SLC15A4: variants seen among roughly 807,000 people sequenced by gnomAD.
The protein encoded by SLC15A4 is hPHT1.
In SLC15A4, 26 loss-of-function variants were observed where a neutral mutation model predicts 46.1. The observed-to-expected ratio is 0.56, with a 90% CI of 0.41 to 0.78. The LOEUF is 0.78. SLC15A4 is among the 30% of genes least tolerant of loss of function. The pLI is 0.00. For missense variants in SLC15A4, 751 were observed against 755.7 expected (o/e 0.99, Z 0.07); for synonymous variants, 370 against 333.4 (o/e 1.11, Z -1.20).
chr12:128,804,599 A>C (rs1034107008), intron 5 of SLC15A4, among the ~76,000 whole-genome samples: 1 of 152,134 alleles, frequency 6.6e-6, no homozygotes, highest in Non-Finnish European at 1.5e-5. Flanking sequence ...GCATGGTGGC[A>C]GGCGCCTGTA....
chr12:128,802,908 A>T (rs1257037197), intron 5 of SLC15A4, among the ~76,000 whole-genome samples: 1 of 152,194 alleles, frequency 6.6e-6, no homozygotes, highest in African/African-American at 2.4e-5. Flanking sequence ...CACTGCGGAA[A>T]CCAGGATCGG....
intron 3 of SLC15A4, 171 bp downstream of exon 3, chr12:128,809,772 G>C (rs1417501027): frequency 8.1e-6 from 5 of 619,626 alleles, no homozygotes; most frequent in African/African-American, 7.5e-5. Context: ...TTTAGACATA[G>C]TTAAAGCAGC....
chr12:128,812,688 C>A (rs1955676140), intron 2 of SLC15A4, among the ~76,000 whole-genome samples: 2 of 152,172 alleles, frequency 1.3e-5, no homozygotes, highest in Admixed American at 6.5e-5. Context: ...ATGTACCTGG[C>A]ATCCTGCTGA....
At position 128,814,904 on chromosome 12, in the gene SLC15A4, A is replaced by G; in HGVS notation, c.713T>C (p.Val238Ala). The change falls in exon 2 of 8, where the codon GTG becomes GCG. Residue 238 changes from valine (V) to alanine (A), a missense_variant. Val to Ala is a moderately conservative substitution (Grantham distance 64, BLOSUM62 0). Transcript: ENST00000266771. ...IPTVCVGLAF[V>A]VFLCGQSVFI... ...AACGCTCTGGCCACAGAGGAAGACC[A>G]CAAAAGCAAGGCCGACGCAGACAGT... 6.2e-7 allele frequency: 1 copy of G among 1,614,208 alleles called. No individual in the cohort carries two copies. Among genetic ancestry groups the G allele is most frequent in the Non-Finnish European group, 8.5e-7 (1 of 1,180,044 alleles).
intron 1 of SLC15A4, among the ~76,000 whole-genome samples, chr12:128,821,510 A>G (rs1263738603): frequency 1.3e-5 from 2 of 152,220 alleles, no homozygotes; most frequent in Admixed American, 6.5e-5. Flanking sequence ...CTATGTTCCA[A>G]TAACGCTTTA....
At chr12:128,809,586 A>C (rs1054265469) in intron 3 of SLC15A4, 113 bp from the exon 4 acceptor site, 2 of 674,794 alleles carry the variant, frequency 3.0e-6, no homozygotes, top group Non-Finnish European at 5.1e-6. Flanking sequence ...TGACTCCCAG[A>C]AATAGACAAT....
chr12:128,822,859 AT>A (rs1354487197), intron 1 of SLC15A4, among the ~76,000 whole-genome samples: 1 of 148,262 alleles, frequency 6.7e-6, no homozygotes, highest in Non-Finnish European at 1.5e-5. Context: ...TTATTTATTT[AT>A]TTTTTTGAGG....
At chr12:128,796,360 G>A (rs1188334746) in intron 7 of SLC15A4, among the ~76,000 whole-genome samples, 1 of 138,362 alleles carries the variant, frequency 7.2e-6, no homozygotes, top group Non-Finnish European at 1.5e-5. Flanking sequence ...CCCGGGAGGT[G>A]AAAGGCTGCA....
At chr12:128,797,419 G>A (rs1955459315) in intron 7 of SLC15A4, among the ~76,000 whole-genome samples, 1 of 152,150 alleles carries the variant, frequency 6.6e-6, no homozygotes, top group African/African-American at 2.4e-5. Flanking sequence ...AAGGAGAGAG[G>A]CAAGGAGGGC....
At chr12:128,798,432 C>T (rs1471898993) in intron 7 of SLC15A4, among the ~76,000 whole-genome samples, 1 of 152,210 alleles carries the variant, frequency 6.6e-6, no homozygotes, top group Non-Finnish European at 1.5e-5. Flanking sequence ...TACATTAGGA[C>T]TCCACAGGCC....
chr12:128,821,462 G>T (rs559869000), intron 1 of SLC15A4, among the ~76,000 whole-genome samples: 1 of 152,236 alleles, frequency 6.6e-6, no homozygotes, highest in African/African-American at 2.4e-5. Context: ...AGTGAAAGCA[G>T]CCCCAGTGTA....
chr12:128,808,926 C>T lies in SLC15A4; in HGVS notation c.1120G>A (p.Ala374Thr). ...LPAAWLTMFD[A>T]VLILLLIPLK... Reference sequence around the variant, plus strand: ...GGGATGAGCAGGAGGATGAGCACAGCATCAAACATGGTCAGCCAGGCTGCA... The same window carrying T: ...GGGATGAGCAGGAGGATGAGCACAGTATCAAACATGGTCAGCCAGGCTGCA... The change falls in exon 5 of 8, where the codon GCT becomes ACT. Residue 374 changes from alanine to threonine, a missense_variant. Coordinates refer to ENST00000266771, the MANE Select transcript of SLC15A4 (RefSeq NM_145648.4). The T allele has an allele frequency of 6.2e-7, 1 of 1,614,074 alleles. No homozygotes were observed.
intron 2 of SLC15A4, chr12:128,814,182 A>AAACCTGACCGCCGTATGATG (rs1955705779): frequency 8.2e-6 from 1 of 121,854 alleles, no homozygotes; most frequent in Admixed American, 9.1e-5. Context: ...CAAGAGTTAC[A>AAACCTGACCGCCGTATGATG]GACCTGACCG....
intron 1 of SLC15A4, chr12:128,815,737 C>CT (rs1173551778): frequency 6.5e-6 from 1 of 152,674 alleles, no homozygotes; most frequent in East Asian, 1.9e-4. Context: ...TCCAGACCTA[C>CT]TGAATCACGG....
chr12:128,815,326 ATATTCTGC>A, intron 1 of SLC15A4: 4 of 423,876 alleles, frequency 9.4e-6, no homozygotes, highest in Non-Finnish European at 1.7e-5. Context: ...TTTTCCAAGT[ATATTCTGC>A]TGTAGAATTT....
At chr12:128,817,758 C>A (rs1955778956) in intron 1 of SLC15A4, among the ~76,000 whole-genome samples, 1 of 152,138 alleles carries the variant, frequency 6.6e-6, no homozygotes, top group South Asian at 2.1e-4. Context: ...ACTTTATAAG[C>A]CAAAATTACT....
At chr12:128,805,338 GAAA>G (rs1955571685) in intron 5 of SLC15A4, among the ~76,000 whole-genome samples, 1 of 151,964 alleles carries the variant, frequency 6.6e-6, no homozygotes, top group Non-Finnish European at 1.5e-5. Context: ...TACAAAGACA[GAAA>G]AAGAAACTAT....
chr12:128,798,937 C>T (rs1481915923), intron 7 of SLC15A4, among the ~76,000 whole-genome samples: 1 of 152,154 alleles, frequency 6.6e-6, no homozygotes, highest in Non-Finnish European at 1.5e-5. Context: ...CTGAGCTGGA[C>T]GGGCGTGGAG....
At chr12:128,804,326 A>G (rs1213162368) in intron 5 of SLC15A4, among the ~76,000 whole-genome samples, 1 of 152,238 alleles carries the variant, frequency 6.6e-6, no homozygotes, top group Non-Finnish European at 1.5e-5. Flanking sequence ...AGAAAACAAG[A>G]AAGAGAACAT....
Sources: gnomAD v4.1 joint callset for allele counts (sites outside exome capture counted in the v4.1 genomes callset) on GRCh38, gnomAD v4.1.1 for gene constraint, MANE v1.5 for transcripts, NCBI Gene and HGNC (gene_info 2026-07-23, HGNC 2026-07-21) for gene names.